The following BICRAL variants were observed in gnomAD, a reference collection of about 807,000 sequenced individuals.
BICRAL encodes the protein BICRA like chromatin remodeling complex associated protein, also known as BRD4-interacting chromatin-remodeling complex-associated protein-like.
In BICRAL, 8 loss-of-function variants were observed where a neutral mutation model predicts 91.8. The observed-to-expected ratio is 0.09, with a 90% CI of 0.05 to 0.16. The LOEUF is 0.16. BICRAL is among the 10% of genes least tolerant of loss of function. The pLI, the probability that BICRAL is intolerant of heterozygous loss-of-function variation, is 1.00. For missense variants in BICRAL, 1,038 were observed against 1,310.9 expected, an observed-to-expected ratio of 0.79 and a Z score of 3.21; for synonymous variants, 445 against 491.1, an observed-to-expected ratio of 0.91 and a Z score of 1.24.
chr6:42,853,559 C>T, intron 7 of BICRAL, 79 bp from the exon 8 acceptor site: 4 of 976,898 alleles, frequency 4.1e-6, no homozygotes, highest in Admixed American at 3.5e-5. Flanking sequence ...ACAGTCTGTA[C>T]CCATTGGGTT....
intron 1 of BICRAL, among the ~76,000 whole-genome samples, chr6:42,764,255 A>AC (rs1298859855): frequency 2.7e-5 from 4 of 150,280 alleles, no homozygotes; most frequent in Admixed American, 6.6e-5. Context: ...AAAAAAAAAA[A>AC]CAAAAATGTC....
chr6:42,851,869 G>A (rs918628041), intron 6 of BICRAL, among the ~76,000 whole-genome samples: 2 of 152,278 alleles, frequency 1.3e-5, no homozygotes, highest in Non-Finnish European at 1.5e-5. Context: ...CAGCATCCCC[G>A]CTGAATGGCA....
intron 1 of BICRAL, among the ~76,000 whole-genome samples, chr6:42,748,225 C>T (rs1762318923): frequency 6.7e-6 from 1 of 150,094 alleles, no homozygotes; most frequent in Non-Finnish European, 1.5e-5. Context: ...GCAATAGCTG[C>T]TTTATTTTAT....
chr6:42,806,604 C>T (rs1438579872), intron 1 of BICRAL, among the ~76,000 whole-genome samples: 3 of 151,402 alleles, frequency 2.0e-5, no homozygotes, highest in African/African-American at 7.3e-5. Context: ...CCTCCACCTC[C>T]CAGGCTCCAT....
chr6:42,746,519 G>T (rs1173337939), upstream of BICRAL, among the ~76,000 whole-genome samples: 1 of 151,924 alleles, frequency 6.6e-6, no homozygotes, highest in East Asian at 1.9e-4. Context: ...GAGTGCGTGT[G>T]GTGGGTTGGG....
At chr6:42,822,124 A>C in intron 3 of BICRAL, 61 bp downstream of exon 3, 1 of 983,594 alleles carries the variant, frequency 1.0e-6, no homozygotes, top group East Asian at 2.4e-5. Context: ...GAACACTAAG[A>C]CAACCTAATA....
chr6:42,790,661 A>G (rs1763245427), intron 1 of BICRAL, among the ~76,000 whole-genome samples: 1 of 152,026 alleles, frequency 6.6e-6, no homozygotes, highest in Non-Finnish European at 1.5e-5. Flanking sequence ...AATGGAGTAG[A>G]TGATGGAATT....
intron 5 of BICRAL, among the ~76,000 whole-genome samples, chr6:42,825,270 A>G (rs1359444111): frequency 1.4e-5 from 2 of 148,022 alleles, no homozygotes; most frequent in African/African-American, 2.5e-5. Context: ...AAAAAAAAAA[A>G]AAAAAAAAAA....
chr6:42,825,659 G>C (rs1764275190), intron 5 of BICRAL, among the ~76,000 whole-genome samples: 1 of 152,052 alleles, frequency 6.6e-6, no homozygotes, highest in Non-Finnish European at 1.5e-5. Context: ...GGAGTTGGAG[G>C]CTGCAGTGAG....
chr6:42,865,216 A>T lies in BICRAL; in HGVS notation c.3010A>T (p.Thr1004Ser). 1 of 1,614,152 alleles carries T rather than the reference A, an allele frequency of 6.2e-7. No individual in the cohort carries two copies. The highest frequency in any genetic ancestry group is 8.5e-7 in the Non-Finnish European group (1 of 1,179,966). Residue 1004 changes from threonine to serine, a missense_variant, in exon 13 of 13, where the codon ACA becomes TCA. By Grantham distance (58) the Thr-to-Ser change is moderately conservative (BLOSUM62 1). Around this residue, in one of 5 missense-constraint regions of BICRAL, gnomAD observed 92 missense variants for 147.8 expected, o/e 0.62. Coordinates refer to ENST00000314073, the MANE Select transcript of BICRAL (RefSeq NM_001393499.1). ...CGAACCCCAGCCAGATCTCCAGCTG[A>T]CAAAGAGCTTGGAAACCACATTTAA... ...SGEPQPDLQL[T>S]KSLETTFKNI...
chr6:42,862,721 G>A (rs1765591798), intron 12 of BICRAL, 109 bp downstream of exon 12: 8 of 726,088 alleles, frequency 1.1e-5, no homozygotes, highest in Middle Eastern at 2.5e-4. Flanking sequence ...AAGGTAGAAC[G>A]TGAATTCTGG....
chr6:42,793,410 C>T (rs1763335315), intron 1 of BICRAL, among the ~76,000 whole-genome samples: 1 of 148,888 alleles, frequency 6.7e-6, no homozygotes, highest in Non-Finnish European at 1.5e-5. Context: ...CCTCGGCCTC[C>T]CAAAGTGCTG....
chr6:42,825,399 C>T (rs1764266138), intron 5 of BICRAL, among the ~76,000 whole-genome samples: 1 of 150,622 alleles, frequency 6.6e-6, no homozygotes, highest in Admixed American at 6.6e-5. Flanking sequence ...CCTGTCTCTA[C>T]TAAAAATACA....
chr6:42,752,392 G>C (rs1265315325), intron 1 of BICRAL, among the ~76,000 whole-genome samples: 1 of 152,186 alleles, frequency 6.6e-6, no homozygotes, highest in African/African-American at 2.4e-5. Flanking sequence ...AACAGACATC[G>C]TCCCTGTCCT....
rs375580605 is a variant in BICRAL at position 42,773,795 on chromosome 6, C to T, written c.-260-8044C>T. Among the ~76,000 whole-genome samples the T allele has an allele frequency of 5.3e-5, 8 of 152,336 alleles. No homozygotes were observed. The East Asian group carries it at 5.8e-4, about 11-fold the overall frequency. ...TTCCCAAAAGTGCTGGGATTACAGG[C>T]GTGAGCCACCACGCCCAGCTGGCCA... On this transcript the variant is annotated intron_variant, in intron 1 of 14. Coordinates refer to the BICRAL transcript ENST00000614467.
At chr6:42,760,776 A>G (rs1762531711) in intron 1 of BICRAL, among the ~76,000 whole-genome samples, 1 of 147,718 alleles carries the variant, frequency 6.8e-6, no homozygotes, top group African/African-American at 2.4e-5. Context: ...AATCCCAGCA[A>G]TTTGGGAGGT....
intron 7 of BICRAL, among the ~76,000 whole-genome samples, chr6:42,853,420 A>G (rs929242089): frequency 3.3e-5 from 5 of 152,134 alleles, no homozygotes; most frequent in African/African-American, 1.2e-4. Flanking sequence ...ATTTATTACT[A>G]TTTACTTATT....
chr6:42,774,352 A>G (rs1400900316), intron 1 of BICRAL, among the ~76,000 whole-genome samples: 2 of 152,200 alleles, frequency 1.3e-5, no homozygotes, highest in Non-Finnish European at 2.9e-5. Flanking sequence ...GGGTGTTACA[A>G]ACATGCATAG....
chr6:42,784,715 A>G (rs1257792238), intron 1 of BICRAL, among the ~76,000 whole-genome samples: 1 of 152,208 alleles, frequency 6.6e-6, no homozygotes, highest in Admixed American at 6.5e-5. Flanking sequence ...CCCTACACCT[A>G]TGGTTTCCAA....
Sources: allele counts gnomAD v4.1 joint callset (sites outside exome capture counted in the v4.1 genomes callset), GRCh38; gene constraint gnomAD v4.1.1; regional missense constraint gnomAD v4.1.1; transcripts MANE v1.5; gene names NCBI Gene and HGNC (gene_info 2026-07-23, HGNC 2026-07-21).